PSME4: variants seen among roughly 807,000 people sequenced by gnomAD.
PSME4 encodes proteasome activator complex subunit 4.
A neutral mutation model predicts 253.9 loss-of-function variants in PSME4; 89 were observed. The ratio of observed to expected loss-of-function variants is 0.35; its 90% confidence interval spans 0.30 to 0.42. The LOEUF is 0.42. Among genes scored for constraint, PSME4 ranks in the 10% least tolerant of loss-of-function variants. The pLI is 1.00. For missense variants in PSME4, 2,014 were observed against 2,195.2 expected, an observed-to-expected ratio of 0.92 and a Z score of 1.65; for synonymous variants, 851 against 759.2, an observed-to-expected ratio of 1.12 and a Z score of -1.99.
chr2:53,945,856 G>A (rs1051188011), intron 3 of PSME4, among the ~76,000 whole-genome samples: 7 of 152,218 alleles, frequency 4.6e-5, no homozygotes, highest in Non-Finnish European at 1.0e-4. Context: ...TTGTCACAGT[G>A]TAGGTAATGA....
chr2:53,879,699 T>G (rs1679288940), intron 41 of PSME4, among the ~76,000 whole-genome samples: 1 of 146,866 alleles, frequency 6.8e-6, no homozygotes, highest in African/African-American at 2.5e-5. Context: ...ACTAATCAAC[T>G]CAGTAACAAT....
chr2:53,947,223 G>A (rs1669752264), intron 3 of PSME4, among the ~76,000 whole-genome samples: 1 of 152,074 alleles, frequency 6.6e-6, no homozygotes, highest in Admixed American at 6.6e-5. Flanking sequence ...TCTATGGTAA[G>A]GGACAAAGAC....
At chr2:53,873,317 A>G (rs1678981699) in intron 43 of PSME4, among the ~76,000 whole-genome samples, 1 of 152,146 alleles carries the variant, frequency 6.6e-6, no homozygotes, top group Non-Finnish European at 1.5e-5. Flanking sequence ...CACTCTCAGA[A>G]TATAAGAAAT....
intron 7 of PSME4, among the ~76,000 whole-genome samples, chr2:53,934,985 C>A (rs1669037136): frequency 6.6e-6 from 1 of 152,150 alleles, no homozygotes; most frequent in South Asian, 2.1e-4. Flanking sequence ...AAAGAACAGA[C>A]AAATGTGATT....
At chr2:53,879,943 G>C (rs914541297) in intron 41 of PSME4, among the ~76,000 whole-genome samples, 7 of 152,010 alleles carry the variant, frequency 4.6e-5, no homozygotes, top group Non-Finnish European at 1.0e-4. Flanking sequence ...AATTCCAGTA[G>C]GAATTGTGTT....
At chr2:53,946,622 G>A (rs1416561672) in intron 3 of PSME4, among the ~76,000 whole-genome samples, 2 of 152,260 alleles carry the variant, frequency 1.3e-5, no homozygotes, top group Non-Finnish European at 2.9e-5. Flanking sequence ...GGGGCCAGGT[G>A]TAGTGGCCCA....
intron 14 of PSME4, among the ~76,000 whole-genome samples, chr2:53,924,772 C>A (rs182901189): frequency 6.6e-6 from 1 of 152,138 alleles, no homozygotes; most frequent in African/African-American, 2.4e-5. Context: ...ATCCCCCCTG[C>A]GACAGTTGTT....
rs762138368 is a variant in PSME4 at position 53,901,396 on chromosome 2, G to A, written c.3239C>T (p.Ala1080Val). Residue 1080 changes from alanine (A) to valine (V), a missense_variant, in exon 28 of 47, where the codon GCA becomes GTA. Ala to Val is a moderately conservative substitution (Grantham distance 64). Coordinates refer to ENST00000404125, the MANE Select transcript of PSME4 (RefSeq NM_014614.3). ...PSIVRLFDDL[A>V]EKIHRQYETI... ...TTCATACTGCCTATGAATCTTTTCT[G>A]CAAGATCATCAAACAATCTCACTAT... is the stretch of plus-strand genomic sequence containing the variant. 6.2e-7 allele frequency: 1 copy of A among 1,614,080 alleles called. No individual in the cohort carries two copies. The highest frequency in any genetic ancestry group is 8.5e-7 in the Non-Finnish European group (1 of 1,179,986).
rs777303187 is a variant in PSME4 at position 53,970,264 on chromosome 2, G to GC, written c.242+278dup. Among the ~76,000 whole-genome samples, 12 of 152,258 alleles carry GC rather than the reference G, an allele frequency of 7.9e-5. No homozygotes were observed. In the South Asian group the frequency reaches 1.7e-3, roughly 21 times the overall value. On this transcript the variant is annotated intron_variant, in intron 1 of 46. Coordinates refer to ENST00000404125, the MANE Select transcript of PSME4 (RefSeq NM_014614.3). Reference sequence around the variant, plus strand: ...GGCCGGGGCCCTTGGGCTACCCAGGGCCCCCCAGGTGGGAAGACAACAACC... The same window carrying GC: ...GGCCGGGGCCCTTGGGCTACCCAGGGCCCCCCCAGGTGGGAAGACAACAACC...
chr2:53,915,063 C>T (rs1319063419), intron 20 of PSME4, among the ~76,000 whole-genome samples: 5 of 152,022 alleles, frequency 3.3e-5, no homozygotes, highest in African/African-American at 1.2e-4. Flanking sequence ...TAGCCACTTC[C>T]CTGAACAATG....
chr2:53,900,670 T>A (rs897547100), intron 28 of PSME4, among the ~76,000 whole-genome samples: 2 of 152,188 alleles, frequency 1.3e-5, no homozygotes, highest in African/African-American at 4.8e-5. Context: ...TCAATTAAAA[T>A]TTTTCTTCTA....
In PSME4 at chr2:53,926,784, C is replaced by A. The variant is rs1000133169; in HGVS notation, c.1593+610G>T. On this transcript the variant is annotated intron_variant, in intron 12 of 46. Coordinates refer to ENST00000404125, the MANE Select transcript of PSME4 (RefSeq NM_014614.3). ...GGCCAGGAGTTCGAGACCAGCCTGGCCAACATGATGAAACCCCATCTCTAC... is the reference window on the plus strand; with the variant it reads ...GGCCAGGAGTTCGAGACCAGCCTGGACAACATGATGAAACCCCATCTCTAC... Among the ~76,000 whole-genome samples the A allele has an allele frequency of 2.0e-5, 3 of 151,686 alleles. No homozygotes were observed. In the East Asian group the frequency reaches 5.8e-4, roughly 29 times the overall value.
chr2:53,942,552 T>C (rs913758937), intron 3 of PSME4, among the ~76,000 whole-genome samples: 15 of 152,144 alleles, frequency 9.9e-5, no homozygotes, highest in African/African-American at 3.6e-4. Flanking sequence ...GTTCTGCTAC[T>C]TCCTAGTTAT....
chr2:53,927,493 C>A lies in PSME4; in HGVS notation c.1504-10G>T. 1 of 1,540,078 alleles carries A rather than the reference C, an allele frequency of 6.5e-7. No homozygotes were observed. ...TGAACTGGAATGTGATCTGTGGAAA[C>A]ATACAAAGGATTTTCAACATTACAT... On this transcript the variant is annotated splice_polypyrimidine_tract_variant and intron_variant, in intron 11 of 46. Coordinates refer to ENST00000404125, the MANE Select transcript of PSME4 (RefSeq NM_014614.3).
rs772151020 is a variant in PSME4 at position 53,927,343 on chromosome 2, C to A, written c.1593+51G>T. ...ACTGTCAAGTGTTACTATGCATATG[C>A]AATAATAATTAGAACATCTTAGCCC... is the stretch of plus-strand genomic sequence containing the variant. On this transcript the variant is annotated intron_variant, in intron 12 of 46. Transcript: ENST00000404125. 2.4e-6 allele frequency: 3 copies of A among 1,274,018 alleles called. No homozygotes were observed. The East Asian group carries it at 6.9e-5, about 29-fold the overall frequency. 78.9% of individuals were successfully genotyped at this position (1,274,018 alleles called of 1,614,324 possible).
chr2:53,880,136 G>A (rs1298226500), intron 41 of PSME4, among the ~76,000 whole-genome samples: 1 of 152,164 alleles, frequency 6.6e-6, no homozygotes, highest in African/African-American at 2.4e-5. Flanking sequence ...TTTCTTTAGA[G>A]ACAAAGAGGT....
At chr2:53,908,754 C>A (rs1273380241) in intron 22 of PSME4, 30 bp downstream of exon 22, 2 of 1,532,004 alleles carry the variant, frequency 1.3e-6, no homozygotes, top group Non-Finnish European at 1.8e-6. Context: ...TTCCAAAGTA[C>A]AAATAAGTTA....
At chr2:53,892,314 G>A (rs931328078) in intron 36 of PSME4, among the ~76,000 whole-genome samples, 3 of 152,120 alleles carry the variant, frequency 2.0e-5, no homozygotes, top group African/African-American at 7.2e-5. Flanking sequence ...CTTAAAGGCA[G>A]GTGTGTGAAA....
At position 53,958,915 on chromosome 2, in the gene PSME4, A is replaced by G. The variant is rs182737293; in HGVS notation, c.243-9632T>C. Among the ~76,000 whole-genome samples the G allele has an allele frequency of 5.8e-4, 89 of 152,280 alleles. 1 individual carries two copies. Among genetic ancestry groups the G allele is most frequent in the Admixed American group, 1.3e-4 (2 of 15,294 alleles). On this transcript the variant is annotated intron_variant, in intron 1 of 46. Coordinates refer to ENST00000404125, the MANE Select transcript of PSME4 (RefSeq NM_014614.3). The stretch of plus-strand genomic sequence containing the variant: ...TGTTCCATTCAAATTACCAACAAAA[A>G]AATTAATTGAAAATTTCTCAAAGAG...
Sources: allele counts gnomAD v4.1 joint callset (sites outside exome capture counted in the v4.1 genomes callset), GRCh38; gene constraint gnomAD v4.1.1; transcripts MANE v1.5; gene names NCBI Gene and HGNC (gene_info 2026-07-23, HGNC 2026-07-21).